CDHR1: variants seen among roughly 807,000 people sequenced by gnomAD.
The protein encoded by CDHR1 is cadherin-related family member 1.
CDHR1 carries 61 observed loss-of-function variants against 72.1 expected under a neutral mutation model. That is an observed-to-expected ratio of 0.85 (90% confidence interval 0.69 to 1.05). The LOEUF is 1.05. CDHR1 is among the 50% of genes least tolerant of loss of function. The pLI, the probability that CDHR1 is intolerant of heterozygous loss-of-function variation, is 0.00. For synonymous variants in CDHR1, 470 were observed against 448.1 expected (o/e 1.05, Z -0.62); for missense variants, 1,186 against 1,115.7 (o/e 1.06, Z -0.90).
At chr10:84,197,887 A>C in intron 4 of CDHR1, 51 bp downstream of exon 4, 1 of 1,542,066 alleles carries the variant, frequency 6.5e-7, no homozygotes, top group Non-Finnish European at 9.0e-7. Context: ...TTTGGGCCTG[A>C]GAAGGGTGAG....
chr10:84,216,905 G>A lies in CDHR1; in HGVS notation c.*2284G>A, dbSNP rs893700359. 25 of 985,386 alleles carry A rather than the reference G, an allele frequency of 2.5e-5. No individual in the cohort carries two copies. The highest frequency in any genetic ancestry group is 2.3e-4 in the African/African-American group (13 of 57,242). 61.0% of individuals were successfully genotyped at this position (985,386 alleles called of 1,614,324 possible). On this transcript the variant is annotated 3_prime_UTR_variant, in exon 17 of 17. Coordinates refer to ENST00000623527, the MANE Select transcript of CDHR1 (RefSeq NM_033100.4). ...GCATGAAAGCTTGGGAAGCACTGTC[G>A]TCTCTCAGACAGGCGTCCTAAAGAC...
intron 6 of CDHR1, among the ~76,000 whole-genome samples, chr10:84,201,165 A>G (rs1842117909): frequency 6.6e-6 from 1 of 152,162 alleles, no homozygotes; most frequent in Non-Finnish European, 1.5e-5. Context: ...TTCCCAGCTC[A>G]GTTTCCTCAT....
At position 84,211,150 on chromosome 10, in the gene CDHR1, C is replaced by T. The variant is rs150577739; in HGVS notation, c.1470C>T (p.Ser490=). The T allele has an allele frequency of 5.7e-4, 921 of 1,614,100 alleles. 1 individual carries two copies. The highest frequency in any genetic ancestry group is 7.0e-4 in the Non-Finnish European group (831 of 1,180,040). Residue 490 remains serine (S), a synonymous_variant, in exon 13 of 17, where the codon AGC becomes AGT. Transcript: ENST00000623527. ...RIPENAPGGS[S]VVAVTAVDPD... ...CTGAGAACGCCCCAGGGGGCTCCAG[C>T]GTGGTGGCTGTCACAGTGGGTTGGG...
At chr10:84,208,666 T>A (rs555923454) in intron 11 of CDHR1, 63 bp from the exon 12 acceptor site, 151 of 1,513,874 alleles carry the variant, frequency 1.0e-4, no homozygotes, top group Non-Finnish European at 1.3e-4. Flanking sequence ...GACTTCTATA[T>A]AGTATGATTA....
In CDHR1 at chr10:84,196,495, T is replaced by C; in HGVS notation, c.152-10T>C. The C allele has an allele frequency of 6.2e-7, 1 of 1,614,200 alleles. No individual in the cohort carries two copies. The highest frequency in any genetic ancestry group is 8.5e-7 in the Non-Finnish European group (1 of 1,180,008). ...CAGATTCTATGTCTCTCCACTGTGT[T>C]TCCTTCCAGGCTCTCACGTATACAC... On this transcript the variant is annotated splice_polypyrimidine_tract_variant and intron_variant, in intron 2 of 16. Transcript: ENST00000623527.
At chr10:84,195,683 G>A in intron 2 of CDHR1, 94 bp downstream of exon 2, 1 of 1,067,522 alleles carries the variant, frequency 9.4e-7, no homozygotes, top group South Asian at 1.3e-5. Flanking sequence ...CCAAGTTGCT[G>A]CGCGCGCCCG....
In CDHR1 at chr10:84,210,238, G is replaced by T. The variant is rs886144353; in HGVS notation, c.1321-763G>T. 3.3e-5 allele frequency among the ~76,000 whole-genome samples: 5 copies of T among 151,746 alleles called. No homozygotes were observed. The East Asian group carries it at 9.7e-4, about 29-fold the overall frequency. On this transcript the variant is annotated intron_variant, in intron 12 of 16. Transcript: ENST00000623527. Reference sequence around the variant, plus strand: ...CGTTTTTTTTGTTTTTTTTGTTTTTGTTTTTGTTTTTTTTGTTTTTTGGTT... The same window carrying T: ...CGTTTTTTTTGTTTTTTTTGTTTTTTTTTTTGTTTTTTTTGTTTTTTGGTT...
Position 84,208,623 on chromosome 10 carries a change from TAA to T in CDHR1, c.1168-105_1168-104del, listed in dbSNP as rs550750559. The stretch of plus-strand genomic sequence containing the variant: ...GAAAAGTCAGATGCAGAAACTCTCT[TAA>T]TAATATCTCCCAGGGTTAAGGGCAC... On this transcript the variant is annotated intron_variant, in intron 11 of 16. Coordinates refer to ENST00000623527, the MANE Select transcript of CDHR1 (RefSeq NM_033100.4). 355 of 1,235,236 alleles carry T rather than the reference TAA, an allele frequency of 2.9e-4. 2 individuals are homozygous for T. The African/African-American group carries it at 4.9e-3, about 17-fold the overall frequency. 76.5% of individuals were successfully genotyped at this position (1,235,236 alleles called of 1,614,324 possible).
intron 13 of CDHR1, 26 bp from the exon 14 acceptor site, chr10:84,211,622 G>A (rs769172229): frequency 2.4e-5 from 39 of 1,608,568 alleles, no homozygotes; most frequent in Non-Finnish European, 3.1e-5. Context: ...AGAGGCACGT[G>A]CCACCCAGGG....
Position 84,196,543 on chromosome 10 carries a change from G to A in CDHR1, c.190G>A (p.Gly64Arg). 2 of 1,614,192 alleles carry A rather than the reference G, an allele frequency of 1.2e-6. No individual in the cohort carries two copies. The highest frequency in any genetic ancestry group is 8.5e-7 in the Non-Finnish European group (1 of 1,180,032). Residue 64 changes from glycine to arginine, a missense_variant, in exon 3 of 17, where the codon GGA becomes AGA. Transcript: ENST00000623527. The part of the protein sequence containing the change: ...VYTLNGTDPE[G>R]DPISYHISFD... The stretch of plus-strand genomic sequence containing the variant: ...CACCCTGAATGGGACAGACCCTGAG[G>A]GAGACCCCATCTCCTACCACATCAG...
intron 13 of CDHR1, among the ~76,000 whole-genome samples, chr10:84,211,447 T>C (rs1213329353): frequency 6.6e-6 from 1 of 152,210 alleles, no homozygotes; most frequent in African/African-American, 2.4e-5. Flanking sequence ...TTTCCAGATC[T>C]AAATCTCTTG....
chr10:84,195,880 C>T (rs1842021828), intron 2 of CDHR1, among the ~76,000 whole-genome samples: 1 of 152,208 alleles, frequency 6.6e-6, no homozygotes, highest in African/African-American at 2.4e-5. Flanking sequence ...ATGTATTTAC[C>T]TCCCTGAGCC....
In CDHR1 at chr10:84,208,993, T is replaced by C; in HGVS notation, c.1320+112T>C. ...TGTCACTCTCTGCCCTTCCTGGCCC[T>C]ACTCTTTTCTTCTCCAGCCCTCTGC... On this transcript the variant is annotated intron_variant, in intron 12 of 16. Coordinates refer to ENST00000623527, the MANE Select transcript of CDHR1 (RefSeq NM_033100.4). The C allele has an allele frequency of 3.4e-6, 4 of 1,175,860 alleles. No individual in the cohort carries two copies. The South Asian group carries it at 5.3e-5, about 15-fold the overall frequency. 72.8% of individuals were successfully genotyped at this position (1,175,860 alleles called of 1,614,324 possible).
intron 5 of CDHR1, among the ~76,000 whole-genome samples, chr10:84,199,819 C>T (rs1485451014): frequency 6.6e-6 from 1 of 152,178 alleles, no homozygotes; most frequent in Admixed American, 6.5e-5. Context: ...CTCCCTCCTG[C>T]AATGGGAGGA....
intron 1 of CDHR1, 88 bp downstream of exon 1, chr10:84,194,903 T>G: frequency 7.9e-7 from 1 of 1,264,000 alleles, no homozygotes; most frequent in Admixed American, 2.0e-5. Context: ...GACATGGTCC[T>G]GGACCACTTC....
chr10:84,201,439 ACTGTGACTTTTAACCC>A (rs762707865), intron 6 of CDHR1, among the ~76,000 whole-genome samples: 10 of 152,112 alleles, frequency 6.6e-5, no homozygotes, highest in Admixed American at 1.3e-4. Flanking sequence ...TCTCTCCTTC[ACTGTGACTTTTAACCC>A]CTGGCTCCCT....
At chr10:84,208,135 C>T in intron 10 of CDHR1, 39 bp from the exon 11 acceptor site, 2 of 1,573,296 alleles carry the variant, frequency 1.3e-6, no homozygotes, top group Non-Finnish European at 1.7e-6. Flanking sequence ...ATGAAGGGTC[C>T]ACCTGCCACA....
chr10:84,204,616 G>A lies in CDHR1; in HGVS notation c.862+11G>A. 1.2e-6 allele frequency: 2 copies of A among 1,600,912 alleles called. No homozygotes were observed. Among genetic ancestry groups the A allele is most frequent in the Non-Finnish European group, 1.7e-6 (2 of 1,168,026 alleles). ...ACAGCCTTGTAAATGGTGAGTCTGA[G>A]CAGCTTTGGGGGCTGCAGCTTTGAC... On this transcript the variant is annotated intron_variant, in intron 9 of 16. Transcript: ENST00000623527.
rs1376653270 is a variant in CDHR1 at position 84,204,557 on chromosome 10, G to A, written c.814G>A (p.Asp272Asn). 6.2e-7 allele frequency: 1 copy of A among 1,613,552 alleles called. No homozygotes were observed. Among genetic ancestry groups the A allele is most frequent in the Non-Finnish European group, 8.5e-7 (1 of 1,179,592 alleles). The stretch of plus-strand genomic sequence containing the variant: ...GGAGGTACTGAAGGTGGTCGCCATG[G>A]ATGGAGACCGGGGCAAACCCAATCG... ...GSEVLKVVAM[D>N]GDRGKPNRIL... The change falls in exon 9 of 17, where the codon GAT becomes AAT. Residue 272 changes from aspartate (D) to asparagine (N), a missense_variant. By Grantham distance (23) the Asp-to-Asn change is conservative. Transcript: ENST00000623527.
Sources: allele counts gnomAD v4.1 joint callset (sites outside exome capture counted in the v4.1 genomes callset), GRCh38; gene constraint gnomAD v4.1.1; transcripts MANE v1.5; gene names NCBI Gene and HGNC (gene_info 2026-07-23, HGNC 2026-07-21).